RYR3: variants seen among roughly 807,000 people sequenced by gnomAD.
RYR3 encodes ryanodine receptor 3.
A neutral mutation model predicts 584.3 loss-of-function variants in RYR3; 207 were observed. The observed-to-expected ratio is 0.35, with a 90% CI of 0.32 to 0.40. The LOEUF is 0.40. Ranked by LOEUF, RYR3 falls within the 10% of genes least tolerant of loss-of-function variation. The pLI is 1.00. For missense variants in RYR3, 5,616 were observed against 6,089.2 expected, an observed-to-expected ratio of 0.92 and a Z score of 2.59; for synonymous variants, 2,416 against 2,248.5, an observed-to-expected ratio of 1.07 and a Z score of -2.11.
intron 52 of RYR3, among the ~76,000 whole-genome samples, chr15:33,742,977 T>A (rs1457938100): frequency 6.6e-6 from 1 of 152,132 alleles, no homozygotes; most frequent in Non-Finnish European, 1.5e-5. Flanking sequence ...CCACATGAGG[T>A]CAGGCTGTTT....
intron 16 of RYR3, among the ~76,000 whole-genome samples, chr15:33,598,417 A>G (rs1477003040): frequency 2.7e-5 from 2 of 73,050 alleles, no homozygotes; most frequent in Non-Finnish European, 4.8e-5. Flanking sequence ...TTATTACCGT[A>G]TTTCTGCTAG....
intron 34 of RYR3, 56 bp from the exon 35 acceptor site, chr15:33,662,097 G>T: frequency 7.0e-7 from 1 of 1,420,604 alleles, no homozygotes; most frequent in South Asian, 1.5e-5. Context: ...TGAAATAGCT[G>T]GATTCTGGTG....
At chr15:33,790,189 T>C (rs1190396377) in intron 67 of RYR3, among the ~76,000 whole-genome samples, 4 of 151,546 alleles carry the variant, frequency 2.6e-5, no homozygotes, top group African/African-American at 9.7e-5. Flanking sequence ...GAGACAGGGT[T>C]TCACCATGTT....
At chr15:33,403,386 T>C (rs1333313080) in intron 1 of RYR3, among the ~76,000 whole-genome samples, 4 of 152,198 alleles carry the variant, frequency 2.6e-5, no homozygotes, top group Admixed American at 2.6e-4. Flanking sequence ...GCTATGAAAC[T>C]AACTTCACAG....
At chr15:33,400,571 T>G (rs2042589188) in intron 1 of RYR3, among the ~76,000 whole-genome samples, 1 of 152,190 alleles carries the variant, frequency 6.6e-6, no homozygotes, top group Admixed American at 6.5e-5. Context: ...TTGAAATTTC[T>G]TCGTGGAGAC....
At chr15:33,697,117 C>T (rs1230641463) in intron 39 of RYR3, among the ~76,000 whole-genome samples, 1 of 152,172 alleles carries the variant, frequency 6.6e-6, no homozygotes, top group Admixed American at 6.5e-5. Context: ...GAATCAAGAA[C>T]TAGACCTACA....
intron 1 of RYR3, among the ~76,000 whole-genome samples, chr15:33,400,465 G>A: frequency 6.6e-6 from 1 of 152,148 alleles, no homozygotes; most frequent in East Asian, 1.9e-4. Flanking sequence ...GAGTCTTTTT[G>A]CATTCACGTG....
In RYR3 at chr15:33,544,224, T is replaced by C. The variant is rs2056059316; in HGVS notation, c.740+509T>C. ...AATGCTTTTCAAAGTTTCAAAACCA[T>C]GACATGGAGGATATGAATCCAAGTC... On this transcript the variant is annotated intron_variant, in intron 8 of 103. Transcript: ENST00000634891. Among the ~76,000 whole-genome samples, 3 of 152,110 alleles carry C rather than the reference T, an allele frequency of 2.0e-5. No homozygotes were observed. The South Asian group carries it at 6.2e-4, about 32-fold the overall frequency.
chr15:33,546,248 G>T (rs2056227977), intron 8 of RYR3, among the ~76,000 whole-genome samples: 1 of 152,142 alleles, frequency 6.6e-6, no homozygotes, highest in African/African-American at 2.4e-5. Context: ...TTTCACCTGT[G>T]ACCTGGGTGA....
chr15:33,843,116 G>A (rs1230064478), intron 91 of RYR3, among the ~76,000 whole-genome samples: 2 of 151,954 alleles, frequency 1.3e-5, no homozygotes, highest in East Asian at 3.9e-4. Flanking sequence ...TCAGGAGATC[G>A]AGACCATCCT....
intron 3 of RYR3, among the ~76,000 whole-genome samples, chr15:33,511,560 A>G (rs1030991583): frequency 1.3e-5 from 2 of 151,450 alleles, no homozygotes; most frequent in Non-Finnish European, 2.9e-5. Context: ...TGGGCCTTTC[A>G]CTTGTGAGTG....
At chr15:33,805,725 CCT>C (rs879539662) in intron 69 of RYR3, among the ~76,000 whole-genome samples, 89,476 of 151,124 alleles carry the variant, frequency 0.59, 27,203 homozygotes, top group African/African-American at 0.73. Context: ...GATCCGCCCG[CCT>C]CGGCCTCCCA....
intron 70 of RYR3, among the ~76,000 whole-genome samples, chr15:33,810,076 A>T (rs1307503652): frequency 6.6e-6 from 1 of 152,146 alleles, no homozygotes; most frequent in Non-Finnish European, 1.5e-5. Context: ...CAGAGCAATT[A>T]TTCTGTGCTG....
rs184680769 is a variant in RYR3, at chr15:33,638,396, G to A, written c.3556+1846G>A. ...TCTCCAAAGAAAGTCATTCTCTGGG[G>A]TAGAAAGAGTCCAAAAATCAGGGCC... On this transcript the variant is annotated intron_variant, in intron 27 of 103. Transcript: ENST00000634891. 4.8e-3 allele frequency among the ~76,000 whole-genome samples: 726 copies of A among 152,324 alleles called. 5 individuals are homozygous for A. The highest frequency in any genetic ancestry group is 0.014 in the African/African-American group (562 of 41,576).
At chr15:33,759,761 C>T (rs2082076) in intron 60 of RYR3, among the ~76,000 whole-genome samples, 33,117 of 152,050 alleles carry the variant, frequency 0.22, 3,699 homozygotes, top group South Asian at 0.25. Flanking sequence ...CCTAACAAGA[C>T]AGGCCAACAT....
chr15:33,853,919 C>A (rs979271269), intron 96 of RYR3, among the ~76,000 whole-genome samples: 1 of 152,068 alleles, frequency 6.6e-6, no homozygotes, highest in Non-Finnish European at 1.5e-5. Context: ...TTGGGCTGGG[C>A]GCAGTGGCTC....
In RYR3 at chr15:33,520,724, G is replaced by T. The variant is rs568121668; in HGVS notation, c.280-9868G>T. Among the ~76,000 whole-genome samples, 69 of 146,968 alleles carry T rather than the reference G, an allele frequency of 4.7e-4. 1 individual carries two copies. The South Asian group carries it at 0.012, about 26-fold the overall frequency. On this transcript the variant is annotated intron_variant, in intron 3 of 103. Transcript: ENST00000634891. The stretch of plus-strand genomic sequence containing the variant: ...AAAGACACCATAATAAGAAACATGT[G>T]TTAGGGTTGCCATTTTGGCTCACTG...
At position 33,837,933 on chromosome 15, in the gene RYR3, G is replaced by A. The variant is rs760780316; in HGVS notation, c.11953G>A (p.Glu3985Lys). The change falls in exon 89 of 104, where the codon GAG (glutamate) becomes AAG (lysine). Residue 3985 changes from glutamate (E) to lysine (K), a missense_variant. Transcript: ENST00000634891. ...CGTTGATTTTGTAGACCGGTTCCAT[G>A]AGCCAGCCAAGGACATAGGGTTTAA... The part of the protein sequence containing the change: ...NYVDFVDRFH[E>K]PAKDIGFNVA... 3.1e-5 allele frequency: 50 copies of A among 1,613,892 alleles called. No homozygotes were observed. The highest frequency in any genetic ancestry group is 4.2e-5 in the Non-Finnish European group (49 of 1,179,904).
chr15:33,319,351 A>G (rs2140509758), intron 1 of RYR3, among the ~76,000 whole-genome samples: 1 of 152,346 alleles, frequency 6.6e-6, no homozygotes, highest in Non-Finnish European at 1.5e-5. Flanking sequence ...AGATCAAAAT[A>G]GGACAGCTGG....
Sources: allele counts gnomAD v4.1 joint callset (sites outside exome capture counted in the v4.1 genomes callset), GRCh38; gene constraint gnomAD v4.1.1; transcripts MANE v1.5; gene names NCBI Gene and HGNC (gene_info 2026-07-23, HGNC 2026-07-21).